The following ZHX3 variants were observed in gnomAD, a reference collection of about 807,000 sequenced individuals.
ZHX3 encodes zinc fingers and homeoboxes 3.
In ZHX3, 20 loss-of-function variants were observed where a neutral mutation model predicts 64.5. The ratio of observed to expected loss-of-function variants is 0.31; its 90% CI spans 0.22 to 0.45. The LOEUF (loss-of-function observed/expected upper bound fraction) is 0.45, where lower values mean the gene tolerates loss of function less well. ZHX3 is among the 20% of genes least tolerant of loss of function. ZHX3 has a pLI of 1.00. For missense variants in ZHX3, 1,041 were observed against 1,195.8 expected, an observed-to-expected ratio of 0.87 and a Z score of 1.91; for synonymous variants, 423 against 461.6, an observed-to-expected ratio of 0.92 and a Z score of 1.07.
At chr20:41,216,429 G>A (rs1600809065) in intron 2 of ZHX3, among the ~76,000 whole-genome samples, 1 of 152,142 alleles carries the variant, frequency 6.6e-6, no homozygotes, top group African/African-American at 2.4e-5. Context: ...CCTAGGCATA[G>A]CTTACTATAA....
chr20:41,314,601 CGCATAA>C (rs1555874447), intron 1 of ZHX3, among the ~76,000 whole-genome samples: 1 of 152,192 alleles, frequency 6.6e-6, no homozygotes, highest in Non-Finnish European at 1.5e-5. Context: ...ACAGGGATAA[CGCATAA>C]GAAGGAAAGC....
At chr20:41,290,218 C>T (rs2146739927) in intron 1 of ZHX3, 1 of 152,310 alleles carries the variant, frequency 6.6e-6, no homozygotes, top group Admixed American at 6.5e-5. Context: ...TGAAACCTCA[C>T]ACATTTCTTA....
intron 1 of ZHX3, among the ~76,000 whole-genome samples, chr20:41,290,831 G>T (rs1388777745): frequency 6.6e-6 from 1 of 152,130 alleles, no homozygotes; most frequent in African/African-American, 2.4e-5. Context: ...GTGGAAAAGT[G>T]GCTACAGGGA....
At chr20:41,197,999 C>T (rs74454004) in intron 3 of ZHX3, among the ~76,000 whole-genome samples, 6,328 of 111,710 alleles carry the variant, frequency 0.057, 458 homozygotes, top group South Asian at 0.12. Flanking sequence ...AACTAGTGCT[C>T]TTTTTTTTTT....
At chr20:41,221,825 G>A (rs1337402189) in intron 2 of ZHX3, among the ~76,000 whole-genome samples, 1 of 152,234 alleles carries the variant, frequency 6.6e-6, no homozygotes, top group Non-Finnish European at 1.5e-5. Context: ...AGACCTTGAG[G>A]TGAGAATGTG....
At chr20:41,231,435 C>T (rs2146386211) in intron 2 of ZHX3, among the ~76,000 whole-genome samples, 1 of 152,332 alleles carries the variant, frequency 6.6e-6, no homozygotes, top group Non-Finnish European at 1.5e-5. Flanking sequence ...TTAGAGTTTT[C>T]TTTAACCCCC....
At chr20:41,223,057 A>C (rs1343846048) in intron 2 of ZHX3, among the ~76,000 whole-genome samples, 1 of 152,222 alleles carries the variant, frequency 6.6e-6, no homozygotes, top group Non-Finnish European at 1.5e-5. Context: ...CTTACACACA[A>C]GAAAAAATGC....
intron 2 of ZHX3, among the ~76,000 whole-genome samples, chr20:41,230,193 AT>A (rs559422577): frequency 4.0e-4 from 59 of 146,896 alleles, no homozygotes; most frequent in South Asian, 3.2e-3. Flanking sequence ...ATATTCTTAG[AT>A]TTTTTTTTTT....
intron 2 of ZHX3, among the ~76,000 whole-genome samples, chr20:41,231,141 C>T (rs1487124863): frequency 2.0e-5 from 3 of 152,116 alleles, no homozygotes; most frequent in Non-Finnish European, 4.4e-5. Context: ...TTTGGATTGG[C>T]TTCTTTCACT....
At chr20:41,237,104 C>A (rs2146423177) in intron 2 of ZHX3, among the ~76,000 whole-genome samples, 1 of 152,236 alleles carries the variant, frequency 6.6e-6, no homozygotes, top group Middle Eastern at 3.4e-3. Flanking sequence ...ATTAAAAAGT[C>A]AGGAAACAAC....
chr20:41,218,851 A>G (rs2039732120), intron 2 of ZHX3, among the ~76,000 whole-genome samples: 1 of 151,162 alleles, frequency 6.6e-6, no homozygotes, highest in Non-Finnish European at 1.5e-5. Context: ...TAATTTCTGC[A>G]TTTAGTAATC....
intron 1 of ZHX3, among the ~76,000 whole-genome samples, chr20:41,289,899 T>G (rs1363033209): frequency 6.6e-6 from 1 of 152,248 alleles, no homozygotes; most frequent in African/African-American, 2.4e-5. Flanking sequence ...AAGTATGCAC[T>G]TCTATCCTAG....
rs1174026603 is a variant in ZHX3, at chr20:41,200,124, T to C, written c.2860+1933A>G. ...CGGATGCTGAAACAAAAAAAAACCA[T>C]CAAAATTTGTAAGCCTCTCCATCAA... On this transcript the variant is annotated intron_variant, in intron 3 of 3. Coordinates refer to ENST00000683867, the MANE Select transcript of ZHX3 (RefSeq NM_001384317.1). The surrounding 1 kb of genome is among the most constrained non-coding windows in gnomAD (Gnocchi z 4.2). 3.9e-5 allele frequency among the ~76,000 whole-genome samples: 6 copies of C among 151,980 alleles called. No individual in the cohort carries two copies. The highest frequency in any genetic ancestry group is 1.5e-4 in the African/African-American group (6 of 41,358).
intron 1 of ZHX3, among the ~76,000 whole-genome samples, chr20:41,290,810 TA>T (rs935896801): frequency 1.8e-4 from 28 of 152,334 alleles, no homozygotes; most frequent in African/African-American, 6.7e-4. Flanking sequence ...CTTCAAGGTC[TA>T]AATGATCATG....
chr20:41,315,013 G>A (rs1001725429), intron 1 of ZHX3, among the ~76,000 whole-genome samples: 5 of 152,202 alleles, frequency 3.3e-5, no homozygotes, highest in African/African-American at 1.2e-4. Flanking sequence ...TGGTAAGCAA[G>A]GCAGGATAAG....
At chr20:41,197,997 C>CTTTTTTTTTTTT (rs1491008137) in intron 3 of ZHX3, among the ~76,000 whole-genome samples, 1 of 138,236 alleles carries the variant, frequency 7.2e-6, no homozygotes, top group Non-Finnish European at 1.5e-5. Flanking sequence ...TTAACTAGTG[C>CTTTTTTTTTTTT]TCTTTTTTTT....
intron 2 of ZHX3, among the ~76,000 whole-genome samples, chr20:41,220,859 A>G (rs1568847402): frequency 1.4e-5 from 2 of 146,766 alleles, no homozygotes; most frequent in Non-Finnish European, 1.5e-5. Context: ...ATGCCCAGCT[A>G]TTTTTTTTTT....
At chr20:41,191,874 AC>A (rs2037050907) in intron 3 of ZHX3, among the ~76,000 whole-genome samples, 1 of 152,222 alleles carries the variant, frequency 6.6e-6, no homozygotes, top group African/African-American at 2.4e-5. Context: ...TTCTCCAGGC[AC>A]CAGTGGTAGC....
intron 2 of ZHX3, among the ~76,000 whole-genome samples, chr20:41,266,931 G>A (rs1427178277): frequency 3.9e-5 from 5 of 128,678 alleles, no homozygotes; most frequent in East Asian, 5.5e-4. Context: ...TGCAACCTCC[G>A]CCTCCCGGGT....
Sources: allele counts gnomAD v4.1 joint callset (sites outside exome capture counted in the v4.1 genomes callset), GRCh38; gene constraint gnomAD v4.1.1; non-coding constraint Gnocchi (gnomAD v3.1); transcripts MANE v1.5; gene names NCBI Gene and HGNC (gene_info 2026-07-23, HGNC 2026-07-21).